Variants in CAPN8 observed in about 807,000 individuals in gnomAD.
CAPN8 encodes calpain 8.
CAPN8 carries 87 observed loss-of-function variants against 80.9 expected under a neutral mutation model. That is an observed-to-expected ratio of 1.07 (90% CI 0.90 to 1.28). CAPN8 has a LOEUF of 1.28. Among genes scored for constraint, CAPN8 ranks in the 50% most tolerant of loss-of-function variants. The pLI is 0.00. For synonymous variants in CAPN8, 299 were observed against 273.8 expected, an observed-to-expected ratio of 1.09 and a Z score of -0.91; for missense variants, 757 against 702.0, an observed-to-expected ratio of 1.08 and a Z score of -0.89.
chr1:223,642,310 C>T (rs770793860), intron 2 of CAPN8, among the ~76,000 whole-genome samples: 7 of 152,306 alleles, frequency 4.6e-5, no homozygotes, highest in East Asian at 3.9e-4. Context: ...ACAATGGTAA[C>T]GTGACTCATT....
intron 2 of CAPN8, among the ~76,000 whole-genome samples, chr1:223,650,968 G>C (rs1020596756): frequency 6.6e-6 from 1 of 152,194 alleles, no homozygotes; most frequent in Non-Finnish European, 1.5e-5. Context: ...GGACTGGCTG[G>C]GTCGCTGAAG....
In CAPN8 at chr1:223,665,483, G is replaced by T; in HGVS notation, c.164C>A (p.Pro55Gln). ...LFKDPEFPAC[P>Q]SALGYKDLGP... is the part of the protein sequence containing the mutation. ...AAGATCCTTGTAGCCCAAAGCTGAT[G>T]GACATGCTGGGAACTCAGGGTCCTT... Residue 55 changes from proline (P) to glutamine (Q), a missense_variant, in exon 1 of 21, where the codon CCA (proline) becomes CAA (glutamine). Coordinates refer to ENST00000366872, the MANE Select transcript of CAPN8 (RefSeq NM_001143962.2). 1 of 1,551,880 alleles carries T rather than the reference G, an allele frequency of 6.4e-7. No homozygotes were observed. Among genetic ancestry groups the T allele is most frequent in the South Asian group, 1.2e-5 (1 of 84,032 alleles).
Position 223,628,131 on chromosome 1 carries a change from G to C in CAPN8, c.438C>G (p.Tyr146Ter). 1 of 1,547,330 alleles carries C rather than the reference G, an allele frequency of 6.5e-7. No individual in the cohort carries two copies. Among genetic ancestry groups the C allele is most frequent in the South Asian group, 1.2e-5 (1 of 83,794 alleles). ...CAATGACCACCTCCACCCACTCTCC[G>C]TACTGCCAGAACTGGGGAGGGGGGA... ...AGIFHFQFWQ[Y>*]GEWVEVVIDD... The change falls in exon 4 of 21, where the codon TAC becomes TAG. Residue 146 changes from tyrosine to a stop codon, truncating the protein, a stop_gained. Transcript: ENST00000366872. LOFTEE classifies it high-confidence loss of function.
intron 1 of CAPN8, among the ~76,000 whole-genome samples, chr1:223,659,252 T>C (rs1658576353): frequency 6.6e-6 from 1 of 152,214 alleles, no homozygotes; most frequent in African/African-American, 2.4e-5. Flanking sequence ...GCGTTAACCA[T>C]GTCTGATAGC....
At chr1:223,550,876 C>T (rs1656767390) in intron 15 of CAPN8, 84 bp downstream of exon 15, 2 of 681,888 alleles carry the variant, frequency 2.9e-6, no homozygotes, top group African/African-American at 1.8e-5. Context: ...TGTGGTGCTG[C>T]CAGCCCAATG....
At chr1:223,549,281 GT>G (rs1656717286) in intron 16 of CAPN8, 36 bp downstream of exon 16, 1 of 1,504,030 alleles carries the variant, frequency 6.6e-7, no homozygotes, top group Non-Finnish European at 8.9e-7. Flanking sequence ...CCGGACGAAA[GT>G]AAAAAAAAAA....
chr1:223,609,956 G>A (rs1404160102), intron 11 of CAPN8, among the ~76,000 whole-genome samples: 1 of 152,184 alleles, frequency 6.6e-6, no homozygotes, highest in Non-Finnish European at 1.5e-5. Flanking sequence ...CCTCCCCAGG[G>A]CCTCGACTCT....
At position 223,645,411 on chromosome 1, in the gene CAPN8, G is replaced by C. The variant is rs372334528; in HGVS notation, c.307+8919C>G. On this transcript the variant is annotated intron_variant, in intron 2 of 20. Coordinates refer to ENST00000366872, the MANE Select transcript of CAPN8 (RefSeq NM_001143962.2). ...TTGTATCCTTCAATCCAATCAAGTT[G>C]ACACTCGGTATTAACCATCAGGCCC... 3.9e-5 allele frequency among the ~76,000 whole-genome samples: 6 copies of C among 152,224 alleles called. No homozygotes were observed. In the East Asian group the frequency reaches 9.7e-4, roughly 25 times the overall value.
chr1:223,622,711 G>T, intron 7 of CAPN8, 104 bp downstream of exon 7: 1 of 858,514 alleles, frequency 1.2e-6, no homozygotes, highest in Non-Finnish European at 1.9e-6. Context: ...CAGACAGGAC[G>T]TGCTGCTGAA....
At chr1:223,555,776 T>C (rs1314973143) in intron 13 of CAPN8, among the ~76,000 whole-genome samples, 2 of 152,176 alleles carry the variant, frequency 1.3e-5, no homozygotes, top group African/African-American at 4.8e-5. Flanking sequence ...CACAAGGGAA[T>C]TTTTGGACAT....
chr1:223,663,188 A>G (rs1658696412), intron 1 of CAPN8, among the ~76,000 whole-genome samples: 1 of 152,210 alleles, frequency 6.6e-6, no homozygotes, highest in African/African-American at 2.4e-5. Flanking sequence ...CCGCATTTCC[A>G]CAGACCACGA....
intron 1 of CAPN8, among the ~76,000 whole-genome samples, chr1:223,664,465 C>T (rs1462869860): frequency 6.6e-6 from 1 of 152,174 alleles, no homozygotes; most frequent in Non-Finnish European, 1.5e-5. Flanking sequence ...AGATTTATCT[C>T]TAATTCTCAT....
intron 6 of CAPN8, among the ~76,000 whole-genome samples, chr1:223,623,322 T>C (rs1657460466): frequency 6.6e-6 from 1 of 152,216 alleles, no homozygotes; most frequent in Admixed American, 6.5e-5. Context: ...GGTGCTTTAT[T>C]GCCTCATTTA....
At chr1:223,635,257 C>T (rs1166047067) in intron 2 of CAPN8, among the ~76,000 whole-genome samples, 2 of 152,198 alleles carry the variant, frequency 1.3e-5, no homozygotes, top group Non-Finnish European at 2.9e-5. Context: ...ACAGAGCCTC[C>T]CTTCCCCCAC....
intron 10 of CAPN8, among the ~76,000 whole-genome samples, chr1:223,612,984 G>A (rs1328099622): frequency 6.6e-6 from 1 of 152,130 alleles, no homozygotes; most frequent in Non-Finnish European, 1.5e-5. Flanking sequence ...TTTATTATAT[G>A]CAACTGGAAG....
chr1:223,612,708 C>A (rs1437544001), intron 10 of CAPN8, among the ~76,000 whole-genome samples: 1 of 152,136 alleles, frequency 6.6e-6, no homozygotes, highest in Non-Finnish European at 1.5e-5. Flanking sequence ...CAAGAACAGG[C>A]ACATGACCCA....
intron 13 of CAPN8, 117 bp downstream of exon 13, chr1:223,558,014 C>G (rs1427651416): frequency 2.5e-6 from 1 of 395,672 alleles, no homozygotes; most frequent in African/African-American, 2.1e-5. Flanking sequence ...ATGTTGTGGC[C>G]CTAACTAATA....
In CAPN8 at chr1:223,543,121, A is replaced by T; in HGVS notation, c.2075T>A (p.Leu692His). The change falls in exon 20 of 21, where the codon CTC (leucine) becomes CAC (histidine). Residue 692 changes from leucine to histidine, a missense_variant. Leu to His is a moderately conservative substitution (Grantham distance 99). Transcript: ENST00000366872. ...CAGGACATTCACCTCGGCCAGAGAG[A>T]GCTGAACCATGCCATCCTTGTCTTC... ...LDEDKDGMVQ[L>H]SLAEWLCCVL... 1 of 1,551,724 alleles carries T rather than the reference A, an allele frequency of 6.4e-7. No homozygotes were observed. The highest frequency in any genetic ancestry group is 8.7e-7 in the Non-Finnish European group (1 of 1,147,008).
At chr1:223,643,254 T>C (rs1658091752) in intron 2 of CAPN8, among the ~76,000 whole-genome samples, 1 of 152,212 alleles carries the variant, frequency 6.6e-6, no homozygotes, top group African/African-American at 2.4e-5. Context: ...CCTGACACAC[T>C]GTCAAGTGTC....
Sources: allele counts gnomAD v4.1 joint callset (sites outside exome capture counted in the v4.1 genomes callset), GRCh38; gene constraint gnomAD v4.1.1; transcripts MANE v1.5; gene names NCBI Gene and HGNC (gene_info 2026-07-23, HGNC 2026-07-21).